Variants in PREX2 observed in about 807,000 individuals in gnomAD.
PREX2 encodes the protein phosphatidylinositol-3,4,5-trisphosphate dependent Rac exchange factor 2.
Under a neutral mutation model 203.2 loss-of-function variants are expected in PREX2, and 107 were observed. The observed-to-expected ratio is 0.53, with a 90% CI of 0.45 to 0.62. The LOEUF is 0.62. Ranked by LOEUF, PREX2 falls within the 20% of genes least tolerant of loss-of-function variation. PREX2 has a pLI of 0.00. For synonymous variants in PREX2, 672 were observed against 663.6 expected (o/e 1.01, Z -0.19); for missense variants, 1,777 against 1,955.9 (o/e 0.91, Z 1.72).
intron 15 of PREX2, 115 bp downstream of exon 15, chr8:68,077,584 C>T (rs2129611812): frequency 2.5e-6 from 2 of 796,894 alleles, no homozygotes; most frequent in East Asian, 5.0e-5. Flanking sequence ...GCAAGACTGT[C>T]TGGGTCTTGC....
rs186418098 is a variant in PREX2, at chr8:68,102,444, T to C, written c.2715+2601T>C. On this transcript the variant is annotated intron_variant, in intron 23 of 39. Coordinates refer to ENST00000288368, the MANE Select transcript of PREX2 (RefSeq NM_024870.4). ...AGAAGCAAGGTTAGCAAGAAAACACTGCAAGGATCTTTTCAATTTGAATAA... is the reference window on the plus strand; with the variant it reads ...AGAAGCAAGGTTAGCAAGAAAACACCGCAAGGATCTTTTCAATTTGAATAA... Among the ~76,000 whole-genome samples, 162 of 152,330 alleles carry C rather than the reference T, an allele frequency of 1.1e-3. 1 individual carries two copies. Among genetic ancestry groups the C allele is most frequent in the African/African-American group, 3.6e-3 (151 of 41,574 alleles).
In PREX2 at chr8:68,234,170, C is replaced by T. The variant is rs1813222843; in HGVS notation, c.*2792C>T. On this transcript the variant is annotated 3_prime_UTR_variant, in exon 40 of 40. Coordinates refer to ENST00000288368, the MANE Select transcript of PREX2 (RefSeq NM_024870.4). The stretch of plus-strand genomic sequence containing the variant: ...ACAGTGGTAAGAGTAAAAAACATAC[C>T]TAATGGATGAATGAATAATGACAAT... The T allele has an allele frequency of 6.6e-6, 1 of 152,008 alleles. No homozygotes were observed. Among genetic ancestry groups the T allele is most frequent in the Admixed American group, 6.6e-5 (1 of 15,252 alleles). The allele number at this position is 152,008 out of a possible 1,614,324, so 9.4% of individuals were successfully genotyped here. A position where few individuals can be genotyped will look rare whatever the true frequency, so the allele number is the denominator to read the frequency against.
chr8:68,224,733 T>A, intron 39 of PREX2, 107 bp downstream of exon 39: 1 of 758,062 alleles, frequency 1.3e-6, no homozygotes, highest in East Asian at 2.6e-5. Flanking sequence ...CGTGTCGTAC[T>A]GATTGTAATT....
chr8:68,156,353 T>C (rs1563568556), intron 34 of PREX2, among the ~76,000 whole-genome samples: 1 of 152,224 alleles, frequency 6.6e-6, no homozygotes, highest in Non-Finnish European at 1.5e-5. Context: ...CATGAGCCAC[T>C]GTGCCAGGCC....
chr8:67,965,486 T>A (rs1462052410), intron 1 of PREX2, among the ~76,000 whole-genome samples: 3 of 141,284 alleles, frequency 2.1e-5, no homozygotes, highest in African/African-American at 8.1e-5. Flanking sequence ...GTAATTATTA[T>A]GAGTGTATAT....
intron 35 of PREX2, among the ~76,000 whole-genome samples, chr8:68,157,684 G>A (rs1811568115): frequency 6.6e-6 from 1 of 152,020 alleles, no homozygotes; most frequent in African/African-American, 2.4e-5. Context: ...ATAAAGAGAA[G>A]GGGTTAAATA....
At chr8:68,183,281 G>T (rs1812121760) in intron 35 of PREX2, among the ~76,000 whole-genome samples, 2 of 152,108 alleles carry the variant, frequency 1.3e-5, no homozygotes, top group African/African-American at 2.4e-5. Context: ...TAGTGTCATT[G>T]TAAGAATTTT....
intron 32 of PREX2, among the ~76,000 whole-genome samples, chr8:68,135,825 T>C (rs1811104501): frequency 6.6e-6 from 1 of 152,180 alleles, no homozygotes; most frequent in African/African-American, 2.4e-5. Flanking sequence ...AAACAACTTA[T>C]ATGTCCATCA....
At chr8:68,069,724 T>G in intron 12 of PREX2, 111 bp from the exon 13 acceptor site, 2 of 557,794 alleles carry the variant, frequency 3.6e-6, no homozygotes, top group Non-Finnish European at 6.5e-6. Context: ...TGGTTTAGAT[T>G]TTGTGATGAT....
intron 24 of PREX2, 88 bp downstream of exon 24, chr8:68,108,419 C>G: frequency 2.4e-6 from 2 of 842,532 alleles, no homozygotes; most frequent in Non-Finnish European, 3.8e-6. Flanking sequence ...TCAATAGATA[C>G]CTGGTGTGCA....
intron 17 of PREX2, chr8:68,082,419 C>T (rs1021300533): frequency 6.6e-6 from 1 of 152,200 alleles, no homozygotes; most frequent in East Asian, 1.9e-4. Flanking sequence ...GCTTTCTGTA[C>T]AGCACACTAA....
intron 23 of PREX2, among the ~76,000 whole-genome samples, chr8:68,102,258 C>CTAG (rs1291448729): frequency 6.6e-6 from 1 of 152,176 alleles, no homozygotes; most frequent in Non-Finnish European, 1.5e-5. Context: ...AACTAACAGA[C>CTAG]TAGGTTCCTA....
intron 8 of PREX2, among the ~76,000 whole-genome samples, chr8:68,052,825 G>A (rs562862350): frequency 1.3e-5 from 2 of 152,300 alleles, no homozygotes; most frequent in African/African-American, 2.4e-5. Context: ...TGTGCATAGA[G>A]CATGTAAGTG....
At chr8:68,215,739 G>A (rs1342964134) in intron 37 of PREX2, among the ~76,000 whole-genome samples, 3 of 152,000 alleles carry the variant, frequency 2.0e-5, no homozygotes, top group East Asian at 1.9e-4. Context: ...AGGTTTCACC[G>A]TGTTAACCAG....
intron 1 of PREX2, among the ~76,000 whole-genome samples, chr8:67,986,624 C>T (rs1286587396): frequency 6.6e-6 from 1 of 152,158 alleles, no homozygotes; most frequent in Non-Finnish European, 1.5e-5. Flanking sequence ...TCACTTCTAT[C>T]ATATAGTGAA....
At position 68,093,634 on chromosome 8, in the gene PREX2, C is replaced by T. The variant is rs2129612332; in HGVS notation, c.2280C>T (p.Ser760=). The change falls in exon 21 of 40, where the codon AGC becomes AGT. Residue 760 remains serine, a synonymous_variant. Coordinates refer to ENST00000288368, the MANE Select transcript of PREX2 (RefSeq NM_024870.4). ...KQDSIQWVYN[S]IESAQEDLQK... ...ATTCCATACAATGGGTTTATAATAG[C>T]ATTGAGAGTGCTCAAGAAGACCTTC... is the stretch of plus-strand genomic sequence containing the variant. 1 of 1,606,672 alleles carries T rather than the reference C, an allele frequency of 6.2e-7. No individual in the cohort carries two copies. The highest frequency in any genetic ancestry group is 8.5e-7 in the Non-Finnish European group (1 of 1,173,542).
At chr8:67,990,343 T>C (rs1188330677) in intron 1 of PREX2, among the ~76,000 whole-genome samples, 2 of 151,376 alleles carry the variant, frequency 1.3e-5, no homozygotes, top group Admixed American at 6.6e-5. Flanking sequence ...GTCTGTGCCA[T>C]AGGTCAGTGG....
intron 18 of PREX2, 59 bp downstream of exon 18, chr8:68,083,447 A>C (rs1809592090): frequency 1.5e-6 from 2 of 1,292,704 alleles, no homozygotes; most frequent in Non-Finnish European, 2.2e-6. Flanking sequence ...AGTAACACAG[A>C]AAAGATAACT....
intron 21 of PREX2, among the ~76,000 whole-genome samples, chr8:68,095,536 T>C (rs565079484): frequency 3.4e-5 from 5 of 148,366 alleles, no homozygotes; most frequent in African/African-American, 7.5e-5. Context: ...TACATACATA[T>C]ATGTGTGTGT....
Sources: gnomAD v4.1 joint callset for allele counts (sites outside exome capture counted in the v4.1 genomes callset) on GRCh38, gnomAD v4.1.1 for gene constraint, MANE v1.5 for transcripts, NCBI Gene and HGNC (gene_info 2026-07-23, HGNC 2026-07-21) for gene names.